CFAP299: variants seen among roughly 807,000 people sequenced by gnomAD.
CFAP299 encodes cilia and flagella associated protein 299.
A neutral mutation model predicts 27.0 loss-of-function variants in CFAP299; 21 were observed. That is an observed-to-expected ratio of 0.78 (90% CI 0.55 to 1.12). CFAP299 has a LOEUF of 1.12. CFAP299 is among the 50% of genes most tolerant of loss of function. CFAP299 has a pLI of 0.00. For synonymous variants in CFAP299, 104 were observed against 98.1 expected, an observed-to-expected ratio of 1.06 and a Z score of -0.36; for missense variants, 310 against 276.6, an observed-to-expected ratio of 1.12 and a Z score of -0.86.
At chr4:80,955,825 A>G (rs1468796625) in intron 5 of CFAP299, among the ~76,000 whole-genome samples, 1 of 152,090 alleles carries the variant, frequency 6.6e-6, no homozygotes, top group African/African-American at 2.4e-5. Flanking sequence ...ATGAAACCCC[A>G]TCTCTACTAA....
At chr4:80,854,612 G>A (rs78499186) in intron 3 of CFAP299, among the ~76,000 whole-genome samples, 51 of 150,996 alleles carry the variant, frequency 3.4e-4, no homozygotes, top group African/African-American at 9.9e-4. Context: ...TCTGATGGGC[G>A]GAAGACACAG....
chr4:80,815,291 A>T (rs1186848947), intron 3 of CFAP299, among the ~76,000 whole-genome samples: 1 of 151,988 alleles, frequency 6.6e-6, no homozygotes, highest in Non-Finnish European at 1.5e-5. Context: ...TCCAAATTAA[A>T]AGCTGAGATA....
At chr4:80,748,270 C>A (rs1255834652) in intron 3 of CFAP299, among the ~76,000 whole-genome samples, 1 of 152,020 alleles carries the variant, frequency 6.6e-6, no homozygotes, top group African/African-American at 2.4e-5. Context: ...CTAATTAGTC[C>A]TCTTACTTTT....
At chr4:80,720,682 G>T (rs964260157) in intron 3 of CFAP299, among the ~76,000 whole-genome samples, 19 of 152,086 alleles carry the variant, frequency 1.2e-4, no homozygotes, top group African/African-American at 4.3e-4. Context: ...AAAATTAAGT[G>T]CCTAAAAATA....
intron 3 of CFAP299, among the ~76,000 whole-genome samples, chr4:80,621,032 A>G (rs576735550): frequency 1.3e-5 from 2 of 152,216 alleles, no homozygotes; most frequent in Non-Finnish European, 2.9e-5. Context: ...TCATTAACCA[A>G]GTAACCTTTA....
chr4:80,737,700 CTTTG>C (rs767096463), intron 3 of CFAP299, among the ~76,000 whole-genome samples: 3 of 151,510 alleles, frequency 2.0e-5, no homozygotes, highest in Admixed American at 6.6e-5. Flanking sequence ...GGTTTATCAA[CTTTG>C]TTTATCTTTC....
intron 4 of CFAP299, among the ~76,000 whole-genome samples, chr4:80,902,205 C>G (rs1175553368): frequency 1.3e-5 from 2 of 151,266 alleles, no homozygotes; most frequent in African/African-American, 4.9e-5. Context: ...AGAGCCCTTT[C>G]CTTCTCTGGG....
At chr4:80,356,109 T>C (rs1304962981) in intron 1 of CFAP299, among the ~76,000 whole-genome samples, 1 of 3,938 alleles carries the variant, frequency 2.5e-4, no homozygotes, top group Non-Finnish European at 4.4e-4. Context: ...TTCCCCATTG[T>C]TTTTTTTTTT....
intron 3 of CFAP299, among the ~76,000 whole-genome samples, chr4:80,729,860 C>G (rs1248741858): frequency 6.6e-6 from 1 of 152,052 alleles, no homozygotes; most frequent in Non-Finnish European, 1.5e-5. Flanking sequence ...GCCTCGGCCT[C>G]CCAAAGTGCT....
chr4:80,598,763 C>T (rs1479398135), intron 3 of CFAP299, among the ~76,000 whole-genome samples: 1 of 152,194 alleles, frequency 6.6e-6, no homozygotes, highest in Admixed American at 6.5e-5. Context: ...TTGCTCCTAA[C>T]TGCAAATCGT....
chr4:80,641,582 G>T (rs1397801548), intron 3 of CFAP299, among the ~76,000 whole-genome samples: 6 of 152,078 alleles, frequency 3.9e-5, no homozygotes, highest in African/African-American at 1.4e-4. Flanking sequence ...ATCAACTTAG[G>T]TTAACAACTT....
intron 3 of CFAP299, among the ~76,000 whole-genome samples, chr4:80,818,769 A>G (rs769418005): frequency 6.6e-6 from 1 of 152,180 alleles, no homozygotes; most frequent in Non-Finnish European, 1.5e-5. Flanking sequence ...GTGAGTTGTC[A>G]TATGAAAATG....
At chr4:80,519,630 C>T (rs774114601) in intron 2 of CFAP299, among the ~76,000 whole-genome samples, 5 of 151,888 alleles carry the variant, frequency 3.3e-5, no homozygotes, top group Non-Finnish European at 5.9e-5. Flanking sequence ...CAATGAGATA[C>T]AGTTTAATAT....
intron 2 of CFAP299, among the ~76,000 whole-genome samples, chr4:80,423,911 C>A (rs1216823010): frequency 6.6e-6 from 1 of 152,184 alleles, no homozygotes; most frequent in Non-Finnish European, 1.5e-5. Context: ...CAGTCTACTG[C>A]ACCTGAGGGA....
intron 3 of CFAP299, among the ~76,000 whole-genome samples, chr4:80,779,423 T>G (rs1726744337): frequency 6.6e-6 from 1 of 152,084 alleles, no homozygotes; most frequent in Non-Finnish European, 1.5e-5. Flanking sequence ...TTTGCTACTG[T>G]GGCATGGAAA....
chr4:80,825,829 A>C (rs993051352), intron 3 of CFAP299, among the ~76,000 whole-genome samples: 2 of 151,976 alleles, frequency 1.3e-5, no homozygotes, highest in African/African-American at 4.8e-5. Flanking sequence ...ACAGGTAAAC[A>C]TATGAACATT....
intron 2 of CFAP299, among the ~76,000 whole-genome samples, chr4:80,372,285 T>C (rs1444128548): frequency 1.3e-5 from 2 of 152,168 alleles, no homozygotes; most frequent in African/African-American, 4.8e-5. Flanking sequence ...GCCCCCATGA[T>C]CCAATCACCT....
chr4:80,902,887 T>TAC (rs1734999822), intron 4 of CFAP299, among the ~76,000 whole-genome samples: 1 of 151,988 alleles, frequency 6.6e-6, no homozygotes, highest in Non-Finnish European at 1.5e-5. Context: ...TTGAGTCTTG[T>TAC]ACATATATAT....
chr4:80,661,572 G>A (rs6813992), intron 3 of CFAP299, among the ~76,000 whole-genome samples: 185 of 151,982 alleles, frequency 1.2e-3, no homozygotes, highest in African/African-American at 4.1e-3. Context: ...CTATCTTTAC[G>A]TTAATCTCTT....
Sources: gnomAD v4.1 joint callset for allele counts (sites outside exome capture counted in the v4.1 genomes callset) on GRCh38, gnomAD v4.1.1 for gene constraint, MANE v1.5 for transcripts, NCBI Gene and HGNC (gene_info 2026-07-23, HGNC 2026-07-21) for gene names.